KANK1: variants seen among roughly 807,000 people sequenced by gnomAD.
The protein encoded by KANK1 is KN motif and ankyrin repeat domain-containing protein 1.
KANK1 carries 109 observed loss-of-function variants against 106.2 expected under a neutral mutation model. The observed-to-expected ratio is 1.03, with a 90% CI of 0.88 to 1.20. The LOEUF (loss-of-function observed/expected upper bound fraction) is 1.20. KANK1 is among the 50% of genes most tolerant of loss of function. KANK1 has a pLI of 0.00. For synonymous variants in KANK1, 873 were observed against 652.2 expected (o/e 1.34, Z -5.16); for missense variants, 2,399 against 1,710.7 (o/e 1.40, Z -7.10).
rs528172887 is a variant in KANK1, at chr9:606,390, C to G, written c.-83-70500C>G. On this transcript the variant is annotated intron_variant, in intron 1 of 11. Transcript: ENST00000382297. ...TGACTAACATGGTGAAACCCCGTCT[C>G]TACTAAAAATACAAAATTAGCCGGG... Among the ~76,000 whole-genome samples, 164 of 147,060 alleles carry G rather than the reference C, an allele frequency of 1.1e-3. 24 individuals carry two copies. Among genetic ancestry groups the G allele is most frequent in the African/African-American group, 4.1e-3 (151 of 36,900 alleles).
At chr9:473,362 T>C (rs1330248977) in intron 3 of KANK1, 5 of 152,180 alleles carry the variant, frequency 3.3e-5, no homozygotes, top group African/African-American at 9.7e-5. Context: ...TTGGAGACTA[T>C]TGGATAGGGG....
At chr9:574,012 G>C (rs546605750) in intron 1 of KANK1, among the ~76,000 whole-genome samples, 2 of 152,378 alleles carry the variant, frequency 1.3e-5, no homozygotes, top group South Asian at 2.1e-4. Context: ...ATCCGCCGCA[G>C]CTCTGTGCTT....
In KANK1 at chr9:711,508, A is replaced by G; in HGVS notation, c.742A>G (p.Ile248Val). ...SIRHSPLSSG[I>V]STPVTNVSPM... ...CCGCCACAGCCCCCTGAGCTCAGGG[A>G]TCTCCACCCCAGTGACCAACGTGAG... Residue 248 changes from isoleucine (I) to valine (V), a missense_variant, in exon 3 of 12, where the codon ATC becomes GTC. Transcript: ENST00000382297. 6.2e-7 allele frequency: 1 copy of G among 1,614,006 alleles called. No individual in the cohort carries two copies. The highest frequency in any genetic ancestry group is 8.5e-7 in the Non-Finnish European group (1 of 1,179,978).
chr9:563,512 A>G (rs1267012547), intron 1 of KANK1, among the ~76,000 whole-genome samples: 1 of 152,210 alleles, frequency 6.6e-6, no homozygotes, highest in Non-Finnish European at 1.5e-5. Flanking sequence ...ATATAAGGCT[A>G]TTAATAAGCC....
intron 1 of KANK1, among the ~76,000 whole-genome samples, chr9:615,484 G>C (rs1285442868): frequency 1.3e-5 from 2 of 152,100 alleles, no homozygotes; most frequent in African/African-American, 2.4e-5. Flanking sequence ...TAGTTAAGAA[G>C]AGGGGGAATA....
chr9:506,253 A>T (rs1193359000), intron 1 of KANK1, among the ~76,000 whole-genome samples: 1 of 152,158 alleles, frequency 6.6e-6, no homozygotes, highest in Non-Finnish European at 1.5e-5. Context: ...CTGAGAGGTG[A>T]TTAACTTTGA....
intron 1 of KANK1, among the ~76,000 whole-genome samples, chr9:532,080 C>T (rs780373110): frequency 2.6e-5 from 4 of 152,120 alleles, no homozygotes; most frequent in Non-Finnish European, 5.9e-5. Flanking sequence ...ACTGTAAAAT[C>T]GTCTGTGGGC....
chr9:541,506 G>T (rs1345789452), intron 1 of KANK1, among the ~76,000 whole-genome samples: 3 of 152,096 alleles, frequency 2.0e-5, no homozygotes, highest in Admixed American at 2.0e-4. Flanking sequence ...AGATCCAAAA[G>T]TATAAAACTA....
intron 8 of KANK1, among the ~76,000 whole-genome samples, chr9:739,390 A>G (rs1564128664): frequency 6.6e-6 from 1 of 152,220 alleles, no homozygotes; most frequent in African/African-American, 2.4e-5. Context: ...CCACTGTCCA[A>G]TCTCTTCTGC....
At position 687,035 on chromosome 9, in the gene KANK1, C is replaced by CTTTTCT. The variant is rs1554682641; in HGVS notation, c.37+10030_37+10031insCTTTTT. ...GATACTGCTGAATTTCTTTTCTTTT[C>CTTTTCT]TTTTTTTTTAATACTGCTGCATTTC... On this transcript the variant is annotated intron_variant, in intron 2 of 11. Transcript: ENST00000382297. 689 of 627,790 alleles carry CTTTTCT rather than the reference C, an allele frequency of 1.1e-3. 5 individuals are homozygous for CTTTTCT. The African/African-American group carries it at 0.012, about 11-fold the overall frequency. 38.9% of individuals were successfully genotyped at this position (627,790 alleles called of 1,614,324 possible).
intron 6 of KANK1, chr9:733,365 T>C (rs976500099): frequency 3.3e-5 from 5 of 152,244 alleles, no homozygotes; most frequent in African/African-American, 1.2e-4. Context: ...TAAAACAAGG[T>C]AAGTGTTTTT....
At chr9:552,556 C>T (rs2061345392) in intron 1 of KANK1, among the ~76,000 whole-genome samples, 1 of 152,098 alleles carries the variant, frequency 6.6e-6, no homozygotes, top group Non-Finnish European at 1.5e-5. Flanking sequence ...ATTAGCTGCA[C>T]AAAGGAAGGG....
chr9:660,131 G>T, intron 1 of KANK1: 1 of 391,706 alleles, frequency 2.6e-6, no homozygotes, highest in South Asian at 2.3e-5. Flanking sequence ...TACTGTCCAA[G>T]GGACTGCTGA....
At chr9:644,334 C>T (rs1178887556) in intron 1 of KANK1, among the ~76,000 whole-genome samples, 2 of 150,906 alleles carry the variant, frequency 1.3e-5, no homozygotes, top group African/African-American at 5.0e-5. Context: ...TGTGTATGTG[C>T]TACCCTTTTG....
intron 1 of KANK1, among the ~76,000 whole-genome samples, chr9:518,603 G>A (rs2059404615): frequency 2.0e-5 from 3 of 151,698 alleles, no homozygotes; most frequent in Non-Finnish European, 4.4e-5. Flanking sequence ...TCATTCCGTG[G>A]TGTTTAAGTG....
intron 1 of KANK1, among the ~76,000 whole-genome samples, chr9:552,911 A>G (rs2061366809): frequency 6.6e-6 from 1 of 152,180 alleles, no homozygotes; most frequent in Non-Finnish European, 1.5e-5. Flanking sequence ...TTGGGAAGCC[A>G]AGGCAAGAGG....
rs150355047 is a variant in KANK1 at position 712,557 on chromosome 9, C to G, written c.1791C>G (p.Val597=). 5 of 1,614,042 alleles carry G rather than the reference C, an allele frequency of 3.1e-6. No homozygotes were observed. The African/African-American group carries it at 5.3e-5, about 17-fold the overall frequency. Residue 597 remains valine, a synonymous_variant, in exon 3 of 12, where the codon GTC becomes GTG. Coordinates refer to ENST00000382297, the MANE Select transcript of KANK1 (RefSeq NM_015158.5). ...EMCDKSVSVE[V]SVCETGSNTE... ...GTGACAAGAGTGTGAGTGTGGAAGT[C>G]AGCGTCTGCGAAACAGGCAGCAACA...
At chr9:519,419 T>A (rs575986184) in intron 1 of KANK1, among the ~76,000 whole-genome samples, 3 of 151,732 alleles carry the variant, frequency 2.0e-5, no homozygotes, top group African/African-American at 4.9e-5. Context: ...GGAGTAGCTA[T>A]GAGAGGAGTC....
At chr9:614,276 G>A (rs1323420320) in intron 1 of KANK1, among the ~76,000 whole-genome samples, 1 of 152,100 alleles carries the variant, frequency 6.6e-6, no homozygotes, top group Non-Finnish European at 1.5e-5. Context: ...TGTTTAAATT[G>A]TTTCTAGCAT....
Sources: allele counts gnomAD v4.1 joint callset (sites outside exome capture counted in the v4.1 genomes callset), GRCh38; gene constraint gnomAD v4.1.1; transcripts MANE v1.5; gene names NCBI Gene and HGNC (gene_info 2026-07-23, HGNC 2026-07-21).